CDK15: variants seen among roughly 807,000 people sequenced by gnomAD.
CDK15 encodes cyclin dependent kinase 15.
CDK15 carries 62 observed loss-of-function variants against 60.3 expected under a neutral mutation model. The ratio of observed to expected loss-of-function variants is 1.03; its 90% CI spans 0.84 to 1.27. The LOEUF is 1.27. Ranked by LOEUF, CDK15 falls within the 50% of genes most tolerant of loss-of-function variation. The probability of loss-of-function intolerance (pLI) is 0.00; values close to 1 mark genes in which losing one functional copy is unlikely to be tolerated. For synonymous variants in CDK15, 194 were observed against 195.7 expected (o/e 0.99, Z 0.07); for missense variants, 541 against 527.8 (o/e 1.03, Z -0.25).
intron 4 of CDK15, among the ~76,000 whole-genome samples, chr2:201,819,606 C>A (rs558489880): frequency 6.6e-6 from 1 of 152,298 alleles, no homozygotes; most frequent in African/African-American, 2.4e-5. Flanking sequence ...AGCAGGGAAG[C>A]AGGCATTTGC....
rs181122988 is a variant in CDK15 at position 201,851,152 on chromosome 2, C to T, written c.945+3678C>T. 1.6e-3 allele frequency among the ~76,000 whole-genome samples: 238 copies of T among 151,934 alleles called. 1 individual carries two copies. The highest frequency in any genetic ancestry group is 2.8e-3 in the African/African-American group (114 of 41,440). On this transcript the variant is annotated intron_variant, in intron 9 of 13. Transcript: ENST00000652192. ...ACTAAAAATACAAAAACTAGCCGAA[C>T]GTGGTGGTGTGCACCTGTAGTCCCA...
chr2:201,825,048 C>T (rs1696407257), intron 6 of CDK15, among the ~76,000 whole-genome samples: 2 of 152,148 alleles, frequency 1.3e-5, no homozygotes, highest in Admixed American at 6.5e-5. Flanking sequence ...GGCGCGGTGG[C>T]TCACGCCTGT....
chr2:201,811,220 G>A (rs1464371351), intron 3 of CDK15, among the ~76,000 whole-genome samples: 1 of 150,404 alleles, frequency 6.6e-6, no homozygotes, highest in Non-Finnish European at 1.5e-5. Context: ...GCACGATCTT[G>A]GCTCACTGCA....
chr2:201,830,694 G>C (rs1434047245), intron 6 of CDK15, among the ~76,000 whole-genome samples: 2 of 152,194 alleles, frequency 1.3e-5, no homozygotes, highest in Non-Finnish European at 2.9e-5. Flanking sequence ...GAATGACAGA[G>C]AGGGATTGAG....
At chr2:201,843,112 G>A (rs2105765242) in intron 8 of CDK15, among the ~76,000 whole-genome samples, 1 of 152,254 alleles carries the variant, frequency 6.6e-6, no homozygotes. Flanking sequence ...CACATGACTT[G>A]TATTCCTAAG....
At chr2:201,887,406 T>C (rs188264311) in intron 12 of CDK15, among the ~76,000 whole-genome samples, 38 of 152,314 alleles carry the variant, frequency 2.5e-4, no homozygotes, top group Non-Finnish European at 4.9e-4. Flanking sequence ...TTTAAACTGG[T>C]GTTATATTGT....
chr2:201,876,199 T>C (rs1699072560), intron 11 of CDK15, among the ~76,000 whole-genome samples: 1 of 151,998 alleles, frequency 6.6e-6, no homozygotes, highest in Non-Finnish European at 1.5e-5. Context: ...GAGTTAGAGG[T>C]GGTGGCCACA....
intron 4 of CDK15, among the ~76,000 whole-genome samples, chr2:201,819,468 C>G (rs757518576): frequency 3.3e-5 from 5 of 152,098 alleles, no homozygotes; most frequent in Admixed American, 3.3e-4. Flanking sequence ...AATCGCAAGT[C>G]CTTTGAATTT....
chr2:201,858,951 A>C (rs962210001), intron 10 of CDK15, among the ~76,000 whole-genome samples: 4 of 152,098 alleles, frequency 2.6e-5, no homozygotes, highest in African/African-American at 9.7e-5. Flanking sequence ...CTCCGGCAGC[A>C]CACCCCCTTT....
chr2:201,858,117 C>T (rs1186837240), intron 10 of CDK15, among the ~76,000 whole-genome samples: 1 of 152,132 alleles, frequency 6.6e-6, no homozygotes, highest in East Asian at 1.9e-4. Context: ...ATTTCTAGGC[C>T]TTATCTGGAC....
At chr2:201,840,121 A>G (rs1697312577) in intron 8 of CDK15, among the ~76,000 whole-genome samples, 1 of 152,064 alleles carries the variant, frequency 6.6e-6, no homozygotes, top group South Asian at 2.1e-4. Flanking sequence ...AGTAGCTGGG[A>G]TTACAGGAGC....
Position 201,835,644 on chromosome 2 carries a change from T to C in CDK15, c.732T>C (p.Gly244=). The change falls in exon 8 of 14, where the codon GGT becomes GGC. Residue 244 remains glycine (G), a splice_region_variant and synonymous_variant. Transcript: ENST00000652192. ...TTTATGCTTTTCCCTTTTGGACAGG[T>C]CTTGCCCGGGCCAAGTCCATTCCCA... ...HLGELKLADF[G]LARAKSIPSQ... 2 of 1,604,650 alleles carry C rather than the reference T, an allele frequency of 1.2e-6. No individual in the cohort carries two copies. The highest frequency in any genetic ancestry group is 1.7e-6 in the Non-Finnish European group (2 of 1,174,034).
At chr2:201,816,922 T>C (rs1317828144) in intron 4 of CDK15, among the ~76,000 whole-genome samples, 1 of 152,218 alleles carries the variant, frequency 6.6e-6, no homozygotes, top group Non-Finnish European at 1.5e-5. Context: ...TAAAACTTTC[T>C]GCATAAACTG....
chr2:201,854,553 T>C (rs2105787238), intron 9 of CDK15, among the ~76,000 whole-genome samples: 1 of 152,300 alleles, frequency 6.6e-6, no homozygotes, highest in South Asian at 2.1e-4. Context: ...CATGGTGTCC[T>C]AATGCATGAT....
intron 12 of CDK15, among the ~76,000 whole-genome samples, chr2:201,885,045 A>C (rs901410521): frequency 6.6e-6 from 1 of 152,120 alleles, no homozygotes; most frequent in Non-Finnish European, 1.5e-5. Flanking sequence ...ATGATTGGAG[A>C]GGAAGGGCAT....
chr2:201,837,048 C>T (rs961035046), intron 8 of CDK15, among the ~76,000 whole-genome samples: 3 of 151,952 alleles, frequency 2.0e-5, no homozygotes, highest in Non-Finnish European at 4.4e-5. Flanking sequence ...AATCACAGCG[C>T]TTTGGGAGAC....
chr2:201,885,072 C>T (rs1358384811), intron 12 of CDK15, among the ~76,000 whole-genome samples: 1 of 152,140 alleles, frequency 6.6e-6, no homozygotes, highest in Non-Finnish European at 1.5e-5. Flanking sequence ...AAAGGAATGT[C>T]GTGTTCCTCT....
At chr2:201,825,312 CAAAAAAA>C (rs200857853) in intron 6 of CDK15, among the ~76,000 whole-genome samples, 29 of 86,956 alleles carry the variant, frequency 3.3e-4, no homozygotes, top group Admixed American at 1.8e-3. Context: ...GACTCCAACT[CAAAAAAA>C]AAAAAAAAAA....
intron 12 of CDK15, among the ~76,000 whole-genome samples, chr2:201,890,034 G>C (rs1699589144): frequency 6.9e-6 from 1 of 144,988 alleles, no homozygotes; most frequent in Non-Finnish European, 1.5e-5. Flanking sequence ...GGGCCACAGA[G>C]TGAGACTCAG....
Sources: allele counts gnomAD v4.1 joint callset (sites outside exome capture counted in the v4.1 genomes callset), GRCh38; gene constraint gnomAD v4.1.1; transcripts MANE v1.5; gene names NCBI Gene and HGNC (gene_info 2026-07-23, HGNC 2026-07-21).